IL1RAPL1: variants seen among roughly 807,000 people sequenced by gnomAD.
The protein encoded by IL1RAPL1 is interleukin 1 receptor accessory protein like 1.
A neutral mutation model predicts 48.4 loss-of-function variants in IL1RAPL1; 3 were observed. The observed-to-expected ratio is 0.06, with a 90% CI of 0.03 to 0.16. The LOEUF (loss-of-function observed/expected upper bound fraction) is 0.16. Ranked by LOEUF, IL1RAPL1 falls within the 10% of genes least tolerant of loss-of-function variation. IL1RAPL1 has a pLI of 1.00. For missense variants in IL1RAPL1, 349 were observed against 530.6 expected, an observed-to-expected ratio of 0.66 and a Z score of 3.36; for synonymous variants, 185 against 187.7, an observed-to-expected ratio of 0.99 and a Z score of 0.12.
intron 6 of IL1RAPL1, among the ~76,000 whole-genome samples, chrX:29,862,949 G>A (rs1328068050): frequency 3.5e-5 from 3 of 84,513 alleles, no homozygotes; most frequent in Admixed American, 1.6e-4. Context: ...ACCGGATACC[G>A]AAAAGAGTCT....
At chrX:29,172,765 A>T (rs1014497093) in intron 2 of IL1RAPL1, among the ~76,000 whole-genome samples, 5 of 111,913 alleles carry the variant, frequency 4.5e-5, no homozygotes, top group Non-Finnish European at 9.4e-5. Context: ...AAACATTGAC[A>T]AGCCGGAAGA....
chrX:28,863,028 A>G (rs1253869618), intron 2 of IL1RAPL1, among the ~76,000 whole-genome samples: 1 of 110,659 alleles, frequency 9.0e-6, no homozygotes, highest in Non-Finnish European at 1.9e-5. Context: ...TTACAGGCAC[A>G]TGCTACCACA....
chrX:29,890,246 C>T (rs1296074540), intron 6 of IL1RAPL1, among the ~76,000 whole-genome samples: 1 of 111,850 alleles, frequency 8.9e-6, no homozygotes, highest in Non-Finnish European at 1.9e-5. Flanking sequence ...TCTCTATTTA[C>T]AGCTGGGAAA....
chrX:28,949,778 A>T (rs868115195), intron 2 of IL1RAPL1, among the ~76,000 whole-genome samples: 1 of 108,271 alleles, frequency 9.2e-6, no homozygotes, highest in Middle Eastern at 4.7e-3. Flanking sequence ...CCACTTTTTG[A>T]TGGGGTTGTT....
At chrX:28,619,019 G>A (rs1188893535) in intron 1 of IL1RAPL1, among the ~76,000 whole-genome samples, 2 of 111,907 alleles carry the variant, frequency 1.8e-5, no homozygotes, top group Non-Finnish European at 3.8e-5. Flanking sequence ...AGTGGTATGT[G>A]ACTCCAGGAT....
intron 1 of IL1RAPL1, among the ~76,000 whole-genome samples, chrX:28,778,787 G>T (rs1484675452): frequency 9.0e-6 from 1 of 111,118 alleles, no homozygotes; most frequent in African/African-American, 3.3e-5. Flanking sequence ...TTTAAGTTTG[G>T]AATTATTATA....
At chrX:28,594,114 C>T (rs1442039661) in intron 1 of IL1RAPL1, among the ~76,000 whole-genome samples, 1 of 111,321 alleles carries the variant, frequency 9.0e-6, no homozygotes, top group Non-Finnish European at 1.9e-5. Flanking sequence ...GGAGTAACTC[C>T]TGCAGCTGTA....
chrX:28,762,821 C>CAG (rs1364686190), intron 1 of IL1RAPL1, among the ~76,000 whole-genome samples: 94 of 37,331 alleles, frequency 2.5e-3, no homozygotes, highest in African/African-American at 6.9e-3. Context: ...CACACACACA[C>CAG]ACAGAGAGAG....
chrX:28,850,049 ATTG>A (rs953168380), intron 2 of IL1RAPL1, among the ~76,000 whole-genome samples: 6 of 112,121 alleles, frequency 5.4e-5, no homozygotes, highest in African/African-American at 1.9e-4. Context: ...TTTGTGGTCA[ATTG>A]AAATCTTTTG....
Position 29,737,058 on chromosome X carries a change from A to G in IL1RAPL1, c.778+68554A>G, listed in dbSNP as rs1928067057. Among the ~76,000 whole-genome samples, 3 of 112,124 alleles carry G rather than the reference A, an allele frequency of 2.7e-5. No homozygotes were observed. In the South Asian group the frequency reaches 1.1e-3, roughly 42 times the overall value. The stretch of plus-strand genomic sequence containing the variant: ...AAATCGGACACATTCAATTTTGAGC[A>G]CAAAAATATTTTTGTATTTTAAATG... On this transcript the variant is annotated intron_variant, in intron 6 of 10. Coordinates refer to ENST00000378993, the MANE Select transcript of IL1RAPL1 (RefSeq NM_014271.4).
intron 6 of IL1RAPL1, among the ~76,000 whole-genome samples, chrX:29,698,788 G>A (rs774022195): frequency 3.6e-5 from 4 of 112,203 alleles, no homozygotes; most frequent in Non-Finnish European, 7.5e-5. Context: ...TTAGAAGGAA[G>A]GAATTAAGAA....
chrX:28,759,370 A>G (rs901369726), intron 1 of IL1RAPL1, among the ~76,000 whole-genome samples: 1 of 111,476 alleles, frequency 9.0e-6, no homozygotes, highest in Non-Finnish European at 1.9e-5. Context: ...ATGCAATACT[A>G]TCTGTCTTCC....
At chrX:29,169,518 G>T (rs1020514888) in intron 2 of IL1RAPL1, among the ~76,000 whole-genome samples, 1 of 110,385 alleles carries the variant, frequency 9.1e-6, no homozygotes, top group Non-Finnish European at 1.9e-5. Flanking sequence ...ACAGAAACAT[G>T]CATCAGATAA....
intron 5 of IL1RAPL1, among the ~76,000 whole-genome samples, chrX:29,498,926 C>T (rs1456315248): frequency 8.9e-6 from 1 of 111,858 alleles, no homozygotes; most frequent in Non-Finnish European, 1.9e-5. Flanking sequence ...TTGAATTCAT[C>T]ATAATTAAAC....
At chrX:29,494,524 A>C (rs774526283) in intron 5 of IL1RAPL1, among the ~76,000 whole-genome samples, 272 of 111,901 alleles carry the variant, frequency 2.4e-3, no homozygotes, top group Non-Finnish European at 3.6e-3. Context: ...GAAATACAGT[A>C]CCAGGTAGCT....
intron 6 of IL1RAPL1, among the ~76,000 whole-genome samples, chrX:29,826,994 T>C (rs1387733306): frequency 1.8e-5 from 2 of 112,335 alleles, no homozygotes; most frequent in Non-Finnish European, 3.8e-5. Flanking sequence ...TGAGTTCCAA[T>C]TTTTCCACAT....
chrX:28,702,927 G>A (rs1456723263), intron 1 of IL1RAPL1, among the ~76,000 whole-genome samples: 1 of 110,491 alleles, frequency 9.1e-6, no homozygotes, highest in Non-Finnish European at 1.9e-5. Flanking sequence ...AATGGTGGAG[G>A]CTCAAAGCTG....
chrX:28,814,895 G>A (rs930102019), intron 2 of IL1RAPL1, among the ~76,000 whole-genome samples: 2 of 108,350 alleles, frequency 1.8e-5, no homozygotes, highest in Admixed American at 9.9e-5. Context: ...TACATTATTA[G>A]CTAATCTAAG....
intron 3 of IL1RAPL1, among the ~76,000 whole-genome samples, chrX:29,284,034 T>C (rs1353988580): frequency 8.9e-6 from 1 of 112,854 alleles, no homozygotes; most frequent in Non-Finnish European, 1.9e-5. Context: ...GGTATAGTCA[T>C]ATAGAGGGTG....
Sources: gnomAD v4.1 joint callset for allele counts (sites outside exome capture counted in the v4.1 genomes callset) on GRCh38, gnomAD v4.1.1 for gene constraint, MANE v1.5 for transcripts, NCBI Gene and HGNC (gene_info 2026-07-23, HGNC 2026-07-21) for gene names.